The following RIMS1 variants were observed in gnomAD, a reference collection of about 807,000 sequenced individuals.
RIMS1 encodes regulating synaptic membrane exocytosis 1, also known as regulating synaptic membrane exocytosis protein 1.
In RIMS1, 83 loss-of-function variants were observed where a neutral mutation model predicts 214.1. The observed-to-expected ratio is 0.39, with a 90% CI of 0.32 to 0.47. RIMS1 has a LOEUF of 0.47. Ranked by LOEUF, RIMS1 falls within the 20% of genes least tolerant of loss-of-function variation. RIMS1 has a pLI of 0.99. For synonymous variants in RIMS1, 793 were observed against 786.8 expected, an observed-to-expected ratio of 1.01 and a Z score of -0.13; for missense variants, 2,050 against 2,161.8, an observed-to-expected ratio of 0.95 and a Z score of 1.03.
intron 28 of RIMS1, among the ~76,000 whole-genome samples, chr6:72,325,641 A>G (rs2096424005): frequency 6.6e-6 from 1 of 151,846 alleles, no homozygotes; most frequent in Non-Finnish European, 1.5e-5. Context: ...TCTAAGACCT[A>G]GGAATAAACT....
chr6:72,249,600 G>A (rs977746076), intron 12 of RIMS1, among the ~76,000 whole-genome samples: 13 of 151,900 alleles, frequency 8.6e-5, no homozygotes, highest in Admixed American at 4.6e-4. Flanking sequence ...CAAGACCCCC[G>A]ATTCCACAAA....
At chr6:72,008,487 T>A (rs538673986) in intron 2 of RIMS1, among the ~76,000 whole-genome samples, 1 of 152,158 alleles carries the variant, frequency 6.6e-6, no homozygotes, top group Non-Finnish European at 1.5e-5. Flanking sequence ...TAACGTTCAA[T>A]GTAAATGGGC....
At position 72,401,239 on chromosome 6, in the gene RIMS1, T is replaced by G. The variant is rs2098833492; in HGVS notation, c.*525T>G. 1 of 153,814 alleles carries G rather than the reference T, an allele frequency of 6.5e-6. No homozygotes were observed. Among genetic ancestry groups the G allele is most frequent in the Non-Finnish European group, 1.5e-5 (1 of 68,832 alleles). 9.5% of individuals were successfully genotyped at this position (153,814 alleles called of 1,614,324 possible). ...TTCCACTAGTTTTTTTTTGGCTGTGTCATGACAGGCCTCATGATGCTAACA... is the reference window on the plus strand; with the variant it reads ...TTCCACTAGTTTTTTTTTGGCTGTGGCATGACAGGCCTCATGATGCTAACA... On this transcript the variant is annotated 3_prime_UTR_variant, in exon 34 of 34. Coordinates refer to ENST00000521978, the MANE Select transcript of RIMS1 (RefSeq NM_014989.7).
At chr6:72,047,887 C>T (rs1823500454) in intron 2 of RIMS1, among the ~76,000 whole-genome samples, 1 of 152,154 alleles carries the variant, frequency 6.6e-6, no homozygotes, top group Non-Finnish European at 1.5e-5. Context: ...GTTTATTGGG[C>T]AGTTTGTCTT....
chr6:72,033,077 A>G lies in RIMS1; in HGVS notation c.246-63872A>G, dbSNP rs574108686. Among the ~76,000 whole-genome samples, 3 of 152,352 alleles carry G rather than the reference A, an allele frequency of 2.0e-5. No individual in the cohort carries two copies. In the East Asian group the frequency reaches 5.8e-4, roughly 29 times the overall value. On this transcript the variant is annotated intron_variant, in intron 2 of 33. Coordinates refer to ENST00000521978, the MANE Select transcript of RIMS1 (RefSeq NM_014989.7). ...TATGTAGACATTTTTCAGGAAGTGA[A>G]GAAGAAAATGAACATTCCAGGCTTG...
chr6:72,226,307 A>G (rs544403749), intron 6 of RIMS1, among the ~76,000 whole-genome samples: 2 of 152,222 alleles, frequency 1.3e-5, no homozygotes, highest in East Asian at 3.9e-4. Context: ...TGATCTCAAA[A>G]TCTAAATTTA....
At chr6:72,216,518 G>T in intron 6 of RIMS1, 4 of 985,476 alleles carry the variant, frequency 4.1e-6, no homozygotes, top group Non-Finnish European at 4.8e-6. Context: ...GCTTTCTGGT[G>T]CCAGTTGTCA....
intron 2 of RIMS1, among the ~76,000 whole-genome samples, chr6:71,981,539 G>A (rs112671636): frequency 3.3e-5 from 5 of 152,030 alleles, no homozygotes; most frequent in Admixed American, 3.3e-4. Flanking sequence ...CACACTCTTT[G>A]TGGTATTCAC....
intron 23 of RIMS1, among the ~76,000 whole-genome samples, chr6:72,279,309 G>A (rs2088704467): frequency 6.6e-6 from 1 of 151,848 alleles, no homozygotes; most frequent in Non-Finnish European, 1.5e-5. Context: ...AACTTCAAAA[G>A]AATTGGGGTT....
chr6:72,258,044 A>T, intron 16 of RIMS1, 81 bp from the exon 17 acceptor site: 1 of 1,280,638 alleles, frequency 7.8e-7, no homozygotes, highest in Non-Finnish European at 1.1e-6. Context: ...TGGCTGCTTT[A>T]GAATAATTTT....
At chr6:72,272,427 G>A (rs1190902319) in intron 22 of RIMS1, among the ~76,000 whole-genome samples, 1 of 152,032 alleles carries the variant, frequency 6.6e-6, no homozygotes, top group Non-Finnish European at 1.5e-5. Flanking sequence ...CTGTATGTGG[G>A]AAAAAGCAAA....
intron 4 of RIMS1, among the ~76,000 whole-genome samples, chr6:72,148,370 GA>G (rs1180138100): frequency 6.6e-6 from 1 of 152,060 alleles, no homozygotes; most frequent in Non-Finnish European, 1.5e-5. Context: ...AAAAACCTGG[GA>G]TACAAGAGGG....
intron 1 of RIMS1, among the ~76,000 whole-genome samples, chr6:71,897,254 C>T (rs1371321783): frequency 6.6e-6 from 1 of 152,082 alleles, no homozygotes; most frequent in Non-Finnish European, 1.5e-5. Flanking sequence ...CCTGAAGGAA[C>T]CTCTTGATTC....
chr6:72,093,228 A>ATATATAT lies in RIMS1; in HGVS notation c.246-3721_246-3720insTATATAT, dbSNP rs200655727. ...TATGTGAGTATATATATATATATAT[A>ATATATAT]AAAACATGTGTGTATATATGTATAT... On this transcript the variant is annotated intron_variant, in intron 2 of 33. Transcript: ENST00000521978. 2.3e-4 allele frequency among the ~76,000 whole-genome samples: 32 copies of ATATATAT among 136,960 alleles called. 1 individual carries two copies. Among genetic ancestry groups the ATATATAT allele is most frequent in the Non-Finnish European group, 3.1e-4 (19 of 61,564 alleles). The allele number at this position is 136,960 out of a possible 152,430, so 89.9% of individuals were successfully genotyped here. A position where few individuals can be genotyped will look rare whatever the true frequency, so the allele number is the denominator to read the frequency against.
At chr6:72,316,277 G>A (rs1160321969) in intron 28 of RIMS1, among the ~76,000 whole-genome samples, 1 of 152,154 alleles carries the variant, frequency 6.6e-6, no homozygotes, top group Non-Finnish European at 1.5e-5. Context: ...GAGCACAGGA[G>A]GGGAGGTGAT....
At chr6:71,990,959 A>T (rs987501481) in intron 2 of RIMS1, among the ~76,000 whole-genome samples, 12 of 152,182 alleles carry the variant, frequency 7.9e-5, no homozygotes, top group African/African-American at 2.9e-4. Flanking sequence ...TTAAGATAAC[A>T]GAATTCTGTC....
At chr6:72,380,216 G>A (rs2098462481) in intron 29 of RIMS1, among the ~76,000 whole-genome samples, 2 of 152,136 alleles carry the variant, frequency 1.3e-5, no homozygotes, top group South Asian at 4.1e-4. Flanking sequence ...TTGGACACAG[G>A]GTGGGGAACG....
intron 26 of RIMS1, among the ~76,000 whole-genome samples, chr6:72,296,964 C>T (rs1456930283): frequency 6.6e-6 from 1 of 151,594 alleles, no homozygotes; most frequent in African/African-American, 2.4e-5. Flanking sequence ...GTACAAATAC[C>T]AAATATATTA....
intron 29 of RIMS1, among the ~76,000 whole-genome samples, chr6:72,386,691 T>A (rs1462771071): frequency 6.6e-6 from 1 of 152,136 alleles, no homozygotes; most frequent in East Asian, 1.9e-4. Flanking sequence ...GCCTAATTTT[T>A]TCCCTATCAG....
Sources: gnomAD v4.1 joint callset for allele counts (sites outside exome capture counted in the v4.1 genomes callset) on GRCh38, gnomAD v4.1.1 for gene constraint, MANE v1.5 for transcripts, NCBI Gene and HGNC (gene_info 2026-07-23, HGNC 2026-07-21) for gene names.